FMN2: variants seen among roughly 807,000 people sequenced by gnomAD.
The protein encoded by FMN2 is formin-2.
In FMN2, 51 loss-of-function variants were observed where a neutral mutation model predicts 142.3. The observed-to-expected ratio is 0.36, with a 90% CI of 0.29 to 0.45. The LOEUF is 0.45. Among genes scored for constraint, FMN2 ranks in the 20% least tolerant of loss-of-function variants. The pLI, the probability that FMN2 is intolerant of heterozygous loss-of-function variation, is 1.00. For missense variants in FMN2, 1,936 were observed against 2,122.8 expected, an observed-to-expected ratio of 0.91 and a Z score of 1.73; for synonymous variants, 882 against 869.8, an observed-to-expected ratio of 1.01 and a Z score of -0.25.
chr1:240,381,160 G>T (rs1673213299), intron 14 of FMN2, among the ~76,000 whole-genome samples: 1 of 152,124 alleles, frequency 6.6e-6, no homozygotes, highest in Non-Finnish European at 1.5e-5. Context: ...ACTCATTCAT[G>T]AAAACAGTAT....
In FMN2 at chr1:240,330,619, CA is replaced by C. The variant is rs1671344396; in HGVS notation, c.4455del (p.Val1487LeufsTer5). 6.2e-7 allele frequency: 1 copy of C among 1,613,302 alleles called. No homozygotes were observed. The highest frequency in any genetic ancestry group is 1.7e-5 in the Admixed American group (1 of 59,880). On this transcript the variant is annotated frameshift_variant, in exon 11 of 18. Transcript: ENST00000319653. LOFTEE classifies it high-confidence loss of function. ...GTTTTACAGACATTAAAAAATGGCC[CA>C]GGGGTTATGCAGGTTCTAGGTTTGG... is the stretch of plus-strand genomic sequence containing the variant. ...QKLCETLKNG[P>X]GVMQVLGLVL...
chr1:240,312,997 C>T (rs1203015037), intron 8 of FMN2, among the ~76,000 whole-genome samples: 1 of 152,212 alleles, frequency 6.6e-6, no homozygotes, highest in Non-Finnish European at 1.5e-5. Flanking sequence ...TTTTCCTTCT[C>T]CTTACCCACC....
At chr1:240,403,332 T>G (rs1674050281) in intron 15 of FMN2, among the ~76,000 whole-genome samples, 1 of 152,264 alleles carries the variant, frequency 6.6e-6, no homozygotes, top group South Asian at 2.1e-4. Flanking sequence ...ATTGAAATTT[T>G]TATATAAAAC....
At chr1:240,436,997 C>T (rs561207549) in intron 15 of FMN2, among the ~76,000 whole-genome samples, 1 of 152,292 alleles carries the variant, frequency 6.6e-6, no homozygotes, top group East Asian at 1.9e-4. Context: ...AACCAGTTCT[C>T]TTGCCACGCG....
intron 6 of FMN2, among the ~76,000 whole-genome samples, chr1:240,239,947 T>C (rs1193716019): frequency 1.3e-5 from 2 of 152,236 alleles, no homozygotes; most frequent in African/African-American, 4.8e-5. Context: ...TTGGTTGTTA[T>C]TTGTTTTTCA....
At chr1:240,419,708 G>A (rs1220506938) in intron 15 of FMN2, among the ~76,000 whole-genome samples, 1 of 152,080 alleles carries the variant, frequency 6.6e-6, no homozygotes, top group Non-Finnish European at 1.5e-5. Context: ...AAGGACTAGG[G>A]GAAACATTAC....
rs541275231 is a variant in FMN2, at chr1:240,332,376, A to AAAAAG, written c.4585-1508_4585-1507insAGAAA. ...ACAGTGAGAGCCCTTCTCAAAAAAA[A>AAAAAG]AAAGAAAGAAAAGCCCTTTTCTTAA... On this transcript the variant is annotated intron_variant, in intron 11 of 17. Transcript: ENST00000319653. Among the ~76,000 whole-genome samples the AAAAAG allele has an allele frequency of 6.0e-3, 897 of 150,442 alleles. 7 individuals carry two copies. Among genetic ancestry groups the AAAAAG allele is most frequent in the East Asian group, 0.021 (106 of 5,088 alleles).
Position 240,334,110 on chromosome 1 carries a change from A to G in FMN2, c.4646A>G (p.Asp1549Gly). ...ATGATGGGGTTTTTTGTTCATTAGG[A>G]TGCTGGAAAAGAACAGTGCCTCTTT... Reference protein sequence around the residue: ...VSYYLRNFDEDAGKEQCLFPL... With the variant: ...VSYYLRNFDEGAGKEQCLFPL... Residue 1549 changes from aspartate (D) to glycine (G), a missense_variant and splice_region_variant, in exon 13 of 18, where the codon GAT (aspartate) becomes GGT (glycine). Around this residue, in one of 8 missense-constraint regions of FMN2, gnomAD observed 322 missense variants for 401.6 expected, o/e 0.80. Transcript: ENST00000319653. 2.5e-6 allele frequency: 4 copies of G among 1,593,194 alleles called. No homozygotes were observed. Among genetic ancestry groups the G allele is most frequent in the Non-Finnish European group, 3.4e-6 (4 of 1,174,834 alleles).
chr1:240,151,446 T>C (rs1321342632), intron 2 of FMN2, among the ~76,000 whole-genome samples: 1 of 152,096 alleles, frequency 6.6e-6, no homozygotes, highest in Non-Finnish European at 1.5e-5. Context: ...CTTTCATATA[T>C]GTGCTACTTC....
intron 2 of FMN2, among the ~76,000 whole-genome samples, chr1:240,172,389 A>G (rs181138605): frequency 6.6e-6 from 1 of 152,360 alleles, no homozygotes; most frequent in Non-Finnish European, 1.5e-5. Flanking sequence ...GATGATGTGT[A>G]GGTGAGATAA....
At chr1:240,357,639 C>T (rs1486659942) in intron 14 of FMN2, among the ~76,000 whole-genome samples, 3 of 144,894 alleles carry the variant, frequency 2.1e-5, no homozygotes, top group Non-Finnish European at 3.0e-5. Flanking sequence ...GACGGAGTCT[C>T]GCACTGTTAC....
At chr1:240,174,478 C>T (rs1664834672) in intron 2 of FMN2, among the ~76,000 whole-genome samples, 1 of 152,130 alleles carries the variant, frequency 6.6e-6, no homozygotes, top group Non-Finnish European at 1.5e-5. Flanking sequence ...CTTCAGCCTC[C>T]TGAGTAGCTA....
chr1:240,474,062 C>G, intron 17 of FMN2, 66 bp from the exon 18 acceptor site: 2 of 1,422,546 alleles, frequency 1.4e-6, no homozygotes, highest in Non-Finnish European at 1.9e-6. Context: ...TTAGGCTACT[C>G]TAAATTCTTT....
chr1:240,140,017 G>T (rs530449896), intron 2 of FMN2, among the ~76,000 whole-genome samples: 1 of 152,108 alleles, frequency 6.6e-6, no homozygotes, highest in Admixed American at 6.6e-5. Flanking sequence ...TAGATAAATT[G>T]GTTTCAGTTG....
At chr1:240,170,308 A>G (rs1664650489) in intron 2 of FMN2, 1 of 1,080,664 alleles carries the variant, frequency 9.3e-7, no homozygotes, top group Non-Finnish European at 1.4e-6. Flanking sequence ...AGTTTGCCAT[A>G]CCAATGCCTA....
chr1:240,251,833 T>G (rs1380595527), intron 6 of FMN2, among the ~76,000 whole-genome samples: 4 of 152,246 alleles, frequency 2.6e-5, no homozygotes, highest in Non-Finnish European at 5.9e-5. Flanking sequence ...TTTAATCTGT[T>G]TACATTCAAG....
At chr1:240,397,260 A>T (rs74949635) in intron 15 of FMN2, among the ~76,000 whole-genome samples, 8,453 of 152,192 alleles carry the variant, frequency 0.056, 344 homozygotes, top group Non-Finnish European at 0.089. Context: ...TTCTTTTGAG[A>T]AGTGTCTATT....
chr1:240,158,774 A>G (rs1664139308), intron 2 of FMN2, among the ~76,000 whole-genome samples: 1 of 152,106 alleles, frequency 6.6e-6, no homozygotes, highest in Admixed American at 6.6e-5. Context: ...ACACTCTCAT[A>G]AAGACTCTAG....
intron 2 of FMN2, among the ~76,000 whole-genome samples, chr1:240,158,824 T>A (rs1664141157): frequency 6.6e-6 from 1 of 152,224 alleles, no homozygotes; most frequent in Non-Finnish European, 1.5e-5. Context: ...AATGTAATAT[T>A]TCAATTCAGA....
Sources: allele counts gnomAD v4.1 joint callset (sites outside exome capture counted in the v4.1 genomes callset), GRCh38; gene constraint gnomAD v4.1.1; regional missense constraint gnomAD v4.1.1; transcripts MANE v1.5; gene names NCBI Gene and HGNC (gene_info 2026-07-23, HGNC 2026-07-21).